The following ABCB1 variants were observed in gnomAD, a reference collection of about 807,000 sequenced individuals.
The protein encoded by ABCB1 is ATP-dependent translocase ABCB1.
In ABCB1, 69 loss-of-function variants were observed where a neutral mutation model predicts 142.0. The ratio of observed to expected loss-of-function variants is 0.49; its 90% CI spans 0.40 to 0.59. The LOEUF (loss-of-function observed/expected upper bound fraction) is 0.59. Ranked by LOEUF, ABCB1 falls within the 20% of genes least tolerant of loss-of-function variation. The pLI is 0.00. For missense variants in ABCB1, 1,326 were observed against 1,554.7 expected (o/e 0.85, Z 2.47); for synonymous variants, 532 against 539.2 (o/e 0.99, Z 0.18).
At chr7:87,547,357 A>G (rs1445645129) in intron 14 of ABCB1, among the ~76,000 whole-genome samples, 1 of 152,234 alleles carries the variant, frequency 6.6e-6, no homozygotes, top group East Asian at 1.9e-4. Context: ...ACCCTAAAGT[A>G]TTTTAAAATA....
chr7:87,520,944 A>G, intron 21 of ABCB1, 68 bp from the exon 22 acceptor site: 1 of 1,135,190 alleles, frequency 8.8e-7, no homozygotes, highest in South Asian at 1.3e-5. Context: ...TGAATTCTAT[A>G]AAACAGACTA....
intron 1 of ABCB1, among the ~76,000 whole-genome samples, chr7:87,632,718 A>C (rs1043602030): frequency 6.6e-6 from 1 of 152,046 alleles, no homozygotes; most frequent in Non-Finnish European, 1.5e-5. Context: ...GTCCTTTATA[A>C]GCTTCATTGT....
At chr7:87,620,490 G>GT (rs1820185860) in intron 1 of ABCB1, among the ~76,000 whole-genome samples, 1 of 151,896 alleles carries the variant, frequency 6.6e-6, no homozygotes, top group Admixed American at 6.6e-5. Flanking sequence ...TCTTCAATAG[G>GT]GTTTTTTTTT....
At chr7:87,634,426 A>G (rs1821537051) in intron 1 of ABCB1, among the ~76,000 whole-genome samples, 1 of 142,218 alleles carries the variant, frequency 7.0e-6, no homozygotes, top group African/African-American at 2.6e-5. Context: ...GTTCGAGACC[A>G]GCCTGGCCAA....
chr7:87,568,721 T>C (rs2129825401), intron 5 of ABCB1, among the ~76,000 whole-genome samples: 1 of 152,308 alleles, frequency 6.6e-6, no homozygotes, highest in African/African-American at 2.4e-5. Context: ...AAGATGTAAT[T>C]AGAACACTAA....
At chr7:87,535,904 T>C (rs1816266139) in intron 20 of ABCB1, among the ~76,000 whole-genome samples, 1 of 152,226 alleles carries the variant, frequency 6.6e-6, no homozygotes, top group African/African-American at 2.4e-5. Context: ...AATCAAAACC[T>C]GCTGGTTCAA....
chr7:87,573,102 A>C (rs1273283384), intron 4 of ABCB1, among the ~76,000 whole-genome samples: 2 of 152,226 alleles, frequency 1.3e-5, no homozygotes, highest in African/African-American at 4.8e-5. Context: ...ATGCACTCAT[A>C]GTTCCACATG....
At chr7:87,693,654 G>A (rs1165699048) in intron 1 of ABCB1, among the ~76,000 whole-genome samples, 1 of 152,106 alleles carries the variant, frequency 6.6e-6, no homozygotes, top group East Asian at 1.9e-4. Context: ...AACAATTTCT[G>A]CTCACATATT....
rs202026600 is a variant in ABCB1, at chr7:87,504,230, A to T, written c.*13T>A. The T allele has an allele frequency of 2.5e-6, 4 of 1,613,914 alleles. No individual in the cohort carries two copies. Among genetic ancestry groups the T allele is most frequent in the Non-Finnish European group, 3.4e-6 (4 of 1,179,940 alleles). ...AATATTAAAAAGTATTTAACATCTC[A>T]TACAGTCAGAGTTCACTGGCGCTTT... On this transcript the variant is annotated 3_prime_UTR_variant, in exon 28 of 28. Transcript: ENST00000622132.
At chr7:87,504,961 C>T (rs2117055965) in intron 27 of ABCB1, among the ~76,000 whole-genome samples, 1 of 152,086 alleles carries the variant, frequency 6.6e-6, no homozygotes, top group South Asian at 2.1e-4. Context: ...AGTTATCTAT[C>T]CCTAACTTTT....
chr7:87,673,783 T>C lies in ABCB1; in HGVS notation c.-331+39378A>G, dbSNP rs151257158. The stretch of plus-strand genomic sequence containing the variant: ...TAGTTGTTTGGAGGTAATAAGACAC[T>C]CTGGCTGTTTGAGTTGCCAGAGGTC... On this transcript the variant is annotated intron_variant, in intron 1 of 28. Coordinates refer to the ABCB1 transcript ENST00000265724. Among the ~76,000 whole-genome samples, 865 of 152,322 alleles carry C rather than the reference T, an allele frequency of 5.7e-3. 9 individuals carry two copies. The highest frequency in any genetic ancestry group is 0.031 in the Middle Eastern group (9 of 294).
At chr7:87,639,241 G>T (rs933934252) in intron 1 of ABCB1, among the ~76,000 whole-genome samples, 3 of 151,182 alleles carry the variant, frequency 2.0e-5, no homozygotes, top group Non-Finnish European at 4.4e-5. Context: ...GATTTCGAAT[G>T]AATTCTGTTG....
In ABCB1 at chr7:87,544,988, A is replaced by T. The variant is rs1203228011; in HGVS notation, c.1899T>A (p.Asn633Lys). Residue 633 changes from asparagine (N) to lysine (K), a missense_variant, in exon 16 of 28, where the codon AAT (asparagine) becomes AAA (lysine). Physicochemically the swap from Asn to Lys is moderately conservative, Grantham distance 94. Coordinates refer to ENST00000622132, the MANE Select transcript of ABCB1 (RefSeq NM_001348946.2). ...CAGCTGCATTTTCTAATTCAACTTC[A>T]TTTCCTGCTGTCTAAAATAAATAAG... ...FKLVTMQTAGNEVELENAADE... is the reference protein window; with the variant it reads ...FKLVTMQTAGKEVELENAADE... The T allele has an allele frequency of 6.2e-7, 1 of 1,613,860 alleles. No individual in the cohort carries two copies. The highest frequency in any genetic ancestry group is 1.7e-5 in the Admixed American group (1 of 60,028).
At chr7:87,548,104 G>C (rs1302892759) in intron 14 of ABCB1, among the ~76,000 whole-genome samples, 1 of 139,482 alleles carries the variant, frequency 7.2e-6, no homozygotes, top group African/African-American at 2.6e-5. Context: ...AGAAAAGGGA[G>C]GGGAGGGGAT....
chr7:87,569,693 T>TG (rs1034415753), intron 5 of ABCB1, among the ~76,000 whole-genome samples: 11 of 152,040 alleles, frequency 7.2e-5, no homozygotes, highest in East Asian at 1.9e-4. Context: ...TCTTTTTTTG[T>TG]GGGGGGGTGT....
chr7:87,697,385 G>GTCTGGCA (rs1486975798), intron 1 of ABCB1, among the ~76,000 whole-genome samples: 1 of 152,208 alleles, frequency 6.6e-6, no homozygotes, highest in Non-Finnish European at 1.5e-5. Context: ...CTTGAGGGAA[G>GTCTGGCA]TCTGGCAGCT....
chr7:87,514,678 A>G lies in ABCB1; in HGVS notation c.3282+553T>C, dbSNP rs1170164083. Among the ~76,000 whole-genome samples, 6 of 152,228 alleles carry G rather than the reference A, an allele frequency of 3.9e-5. No individual in the cohort carries two copies. In the East Asian group the frequency reaches 1.2e-3, roughly 29 times the overall value. On this transcript the variant is annotated intron_variant, in intron 25 of 27. Transcript: ENST00000622132. ...TTACTTTCCATCTTCTTGATAATCT[A>G]TGCTCACTTACATCTCCATTTCTTC...
chr7:87,530,372 C>T (rs761857431), intron 21 of ABCB1, among the ~76,000 whole-genome samples: 6 of 152,098 alleles, frequency 3.9e-5, no homozygotes, highest in Non-Finnish European at 8.8e-5. Context: ...AACTTTGGAG[C>T]ACAACTGTCT....
intron 7 of ABCB1, chr7:87,565,560 T>C (rs767066040): frequency 9.1e-5 from 37 of 408,718 alleles, no homozygotes; most frequent in Non-Finnish European, 1.6e-4. Flanking sequence ...ACCAAAAATT[T>C]AACTGTGTTT....
Sources: allele counts gnomAD v4.1 joint callset (sites outside exome capture counted in the v4.1 genomes callset), GRCh38; gene constraint gnomAD v4.1.1; transcripts MANE v1.5; gene names NCBI Gene and HGNC (gene_info 2026-07-23, HGNC 2026-07-21).